Variants in ROBO1 observed in about 807,000 individuals in gnomAD.
The protein encoded by ROBO1 is roundabout homolog 1.
ROBO1 carries 149 observed loss-of-function variants against 195.9 expected under a neutral mutation model. That is an observed-to-expected ratio of 0.76 (90% CI 0.67 to 0.87). The LOEUF (loss-of-function observed/expected upper bound fraction) is 0.87. ROBO1 is among the 40% of genes least tolerant of loss of function. The pLI is 0.00. For synonymous variants in ROBO1, 816 were observed against 733.2 expected, an observed-to-expected ratio of 1.11 and a Z score of -1.82; for missense variants, 1,933 against 2,068.3, an observed-to-expected ratio of 0.93 and a Z score of 1.27.
At chr3:79,732,814 G>T (rs1703208866) in intron 1 of ROBO1, among the ~76,000 whole-genome samples, 1 of 151,836 alleles carries the variant, frequency 6.6e-6, no homozygotes, top group Non-Finnish European at 1.5e-5. Flanking sequence ...CCTTATCCTG[G>T]GCGTTTTTTA....
At chr3:79,688,205 A>T (rs938839234) in intron 1 of ROBO1, among the ~76,000 whole-genome samples, 2 of 118,404 alleles carry the variant, frequency 1.7e-5, no homozygotes, top group East Asian at 2.7e-4. Flanking sequence ...AACATCACAC[A>T]CTGGGGCCTG....
intron 4 of ROBO1, among the ~76,000 whole-genome samples, chr3:78,840,366 G>A (rs2033096728): frequency 6.6e-6 from 1 of 151,986 alleles, no homozygotes; most frequent in Admixed American, 6.6e-5. Flanking sequence ...ATCTGAATCT[G>A]GATTTCATAA....
At chr3:79,048,745 C>G (rs1278860575) in intron 3 of ROBO1, among the ~76,000 whole-genome samples, 1 of 152,104 alleles carries the variant, frequency 6.6e-6, no homozygotes, top group Non-Finnish European at 1.5e-5. Flanking sequence ...TGTTGAAACC[C>G]AGGCAAACAG....
intron 2 of ROBO1, among the ~76,000 whole-genome samples, chr3:79,195,871 C>T (rs2108766122): frequency 6.6e-6 from 1 of 151,140 alleles, no homozygotes; most frequent in South Asian, 2.1e-4. Flanking sequence ...TAATGCATAT[C>T]TTTTCTATTA....
intron 2 of ROBO1, among the ~76,000 whole-genome samples, chr3:79,415,645 A>C (rs765361252): frequency 6.6e-6 from 1 of 152,174 alleles, no homozygotes; most frequent in Non-Finnish European, 1.5e-5. Context: ...TTTTAAGAAG[A>C]AGCAGATTTT....
intron 22 of ROBO1, 31 bp downstream of exon 22, chr3:78,639,712 TA>T (rs769048596): frequency 6.3e-7 from 1 of 1,590,880 alleles, no homozygotes; most frequent in Non-Finnish European, 8.6e-7. Context: ...TTAAAAAGCT[TA>T]TACATATCAG....
chr3:79,449,277 G>C (rs916196861), intron 2 of ROBO1, among the ~76,000 whole-genome samples: 1 of 151,822 alleles, frequency 6.6e-6, no homozygotes, highest in Admixed American at 6.6e-5. Flanking sequence ...TATATGTGTA[G>C]GGAGCTCCTC....
chr3:79,488,312 T>A lies in ROBO1; in HGVS notation c.88+101512A>T, dbSNP rs143612770. Among the ~76,000 whole-genome samples the A allele has an allele frequency of 8.7e-3, 1,322 of 152,150 alleles. 18 individuals are homozygous for A. The highest frequency in any genetic ancestry group is 0.028 in the African/African-American group (1,183 of 41,516). On this transcript the variant is annotated intron_variant, in intron 2 of 30. Coordinates refer to ENST00000464233, the MANE Select transcript of ROBO1 (RefSeq NM_002941.4). ...GTTTGCCCAACAAATGGAGGGGGAA[T>A]TTTTTTTCTTCAAAATATCATCAGA...
intron 3 of ROBO1, among the ~76,000 whole-genome samples, chr3:79,009,001 C>G (rs770751545): frequency 2.0e-5 from 3 of 151,174 alleles, no homozygotes; most frequent in Non-Finnish European, 4.4e-5. Flanking sequence ...AGTGCAATGG[C>G]ACGATCTCGG....
intron 2 of ROBO1, among the ~76,000 whole-genome samples, chr3:79,494,030 T>C (rs2107464679): frequency 6.6e-6 from 1 of 152,340 alleles, no homozygotes; most frequent in East Asian, 1.9e-4. Context: ...AATGGCTTTT[T>C]GAACTATTTG....
At chr3:78,699,098 T>A (rs940822747) in intron 8 of ROBO1, among the ~76,000 whole-genome samples, 1 of 152,100 alleles carries the variant, frequency 6.6e-6, no homozygotes, top group Non-Finnish European at 1.5e-5. Context: ...ACCAGCAAAT[T>A]CCATAGTGTT....
intron 3 of ROBO1, among the ~76,000 whole-genome samples, chr3:78,974,385 T>C (rs2076839984): frequency 6.6e-6 from 1 of 152,120 alleles, no homozygotes. Flanking sequence ...GTGTTTCAAT[T>C]GAAAACCGAA....
chr3:78,818,156 TA>T (rs1418988645), intron 4 of ROBO1, among the ~76,000 whole-genome samples: 1 of 152,138 alleles, frequency 6.6e-6, no homozygotes, highest in Non-Finnish European at 1.5e-5. Flanking sequence ...GGGATCTAGT[TA>T]ACCAGCAGTA....
intron 30 of ROBO1, 33 bp downstream of exon 30, chr3:78,600,080 A>G: frequency 6.5e-7 from 1 of 1,546,974 alleles, no homozygotes; most frequent in Non-Finnish European, 8.9e-7. Flanking sequence ...CCACAGTCTA[A>G]CATTGGTAAA....
intron 1 of ROBO1, among the ~76,000 whole-genome samples, chr3:79,745,826 T>C (rs1044859291): frequency 6.6e-6 from 1 of 152,096 alleles, no homozygotes; most frequent in Non-Finnish European, 1.5e-5. Flanking sequence ...TGGCTTAAGG[T>C]CAAGTTAGTT....
At chr3:79,062,756 C>G (rs2311354) in intron 3 of ROBO1, among the ~76,000 whole-genome samples, 145,569 of 152,038 alleles carry the variant, frequency 0.96, 70,034 homozygotes, top group East Asian at 1. Flanking sequence ...ACCACATGTT[C>G]TCACTCACAA....
At chr3:79,059,302 T>G (rs1408503239) in intron 3 of ROBO1, among the ~76,000 whole-genome samples, 1 of 152,054 alleles carries the variant, frequency 6.6e-6, no homozygotes, top group Non-Finnish European at 1.5e-5. Context: ...GCTGAGGCAT[T>G]AGATCAGGGG....
intron 10 of ROBO1, among the ~76,000 whole-genome samples, chr3:78,673,562 TTATATA>T (rs1166250669): frequency 0.032 from 2,001 of 63,158 alleles, 81 homozygotes; most frequent in African/African-American, 0.094. Flanking sequence ...TACATATATT[TTATATA>T]TATATATATA....
chr3:79,405,280 C>G (rs1166222182), intron 2 of ROBO1, among the ~76,000 whole-genome samples: 1 of 152,088 alleles, frequency 6.6e-6, no homozygotes, highest in East Asian at 1.9e-4. Flanking sequence ...TAAAGCAATG[C>G]CTGAGATCAG....
Sources: allele counts gnomAD v4.1 joint callset (sites outside exome capture counted in the v4.1 genomes callset), GRCh38; gene constraint gnomAD v4.1.1; transcripts MANE v1.5; gene names NCBI Gene and HGNC (gene_info 2026-07-23, HGNC 2026-07-21).